VPS13B: variants seen among roughly 807,000 people sequenced by gnomAD.
VPS13B encodes vacuolar protein sorting 13 homolog B, also known as intermembrane lipid transfer protein VPS13B.
Under a neutral mutation model 426.4 loss-of-function variants are expected in VPS13B, and 285 were observed. The observed-to-expected ratio is 0.67, with a 90% CI of 0.61 to 0.74. The LOEUF (loss-of-function observed/expected upper bound fraction) is 0.74. Among genes scored for constraint, VPS13B ranks in the 30% least tolerant of loss-of-function variants. The pLI is 0.00. For synonymous variants in VPS13B, 1,676 were observed against 1,676.4 expected (o/e 1.00, Z 0.01); for missense variants, 4,537 against 4,782.6 (o/e 0.95, Z 1.51).
chr8:99,779,217 A>G (rs1811890369), intron 42 of VPS13B, among the ~76,000 whole-genome samples, 186 bp downstream of exon 42: 1 of 152,156 alleles, frequency 6.6e-6, no homozygotes, highest in Non-Finnish European at 1.5e-5. Context: ...TTTTTGAAAA[A>G]CTGGAGAATA....
chr8:99,485,356 T>C (rs1388656690), intron 25 of VPS13B, among the ~76,000 whole-genome samples: 2 of 152,188 alleles, frequency 1.3e-5, no homozygotes, highest in Non-Finnish European at 2.9e-5. Context: ...TAACACCTTA[T>C]TAATAAGGCA....
intron 19 of VPS13B, among the ~76,000 whole-genome samples, chr8:99,345,678 T>A (rs1228442309): frequency 6.6e-6 from 1 of 152,200 alleles, no homozygotes; most frequent in Non-Finnish European, 1.5e-5. Flanking sequence ...TTTCCCTACA[T>A]GAGCAAAAGG....
At chr8:99,082,998 GA>G (rs1845567788) in intron 3 of VPS13B, among the ~76,000 whole-genome samples, 1 of 152,172 alleles carries the variant, frequency 6.6e-6, no homozygotes, top group African/African-American at 2.4e-5. Flanking sequence ...ATTCTGTGAA[GA>G]AAGTCATCAG....
At chr8:99,805,266 T>A (rs1813340827) in intron 43 of VPS13B, among the ~76,000 whole-genome samples, 15 of 150,510 alleles carry the variant, frequency 1.0e-4, no homozygotes, top group Middle Eastern at 3.5e-3. Context: ...CACAAATGAG[T>A]GTGAAGATAA....
intron 7 of VPS13B, among the ~76,000 whole-genome samples, chr8:99,118,746 T>G (rs1263331526): frequency 6.6e-6 from 1 of 151,750 alleles, no homozygotes; most frequent in Non-Finnish European, 1.5e-5. Flanking sequence ...CTACATACAC[T>G]GTATGAATAT....
At chr8:99,445,118 G>C (rs971146752) in intron 23 of VPS13B, among the ~76,000 whole-genome samples, 2 of 151,560 alleles carry the variant, frequency 1.3e-5, no homozygotes, top group Admixed American at 1.3e-4. Flanking sequence ...CCTTACACAT[G>C]ATTTGCAAGT....
intron 29 of VPS13B, among the ~76,000 whole-genome samples, chr8:99,518,331 A>T (rs1822196937): frequency 6.6e-6 from 1 of 152,184 alleles, no homozygotes; most frequent in Non-Finnish European, 1.5e-5. Context: ...CCCACATGGA[A>T]CTATTTGATA....
chr8:99,842,295 A>G (rs184532296), intron 54 of VPS13B, among the ~76,000 whole-genome samples: 1 of 152,264 alleles, frequency 6.6e-6, no homozygotes, highest in African/African-American at 2.4e-5. Flanking sequence ...GTGTGATACT[A>G]TCTGCAACTT....
At chr8:99,612,863 C>T (rs1368848283) in intron 33 of VPS13B, among the ~76,000 whole-genome samples, 1 of 151,760 alleles carries the variant, frequency 6.6e-6, no homozygotes, top group Non-Finnish European at 1.5e-5. Flanking sequence ...CTACTCTGAC[C>T]CCCCTCCCTA....
At chr8:99,119,251 T>C (rs1847823134) in intron 7 of VPS13B, 1 of 152,238 alleles carries the variant, frequency 6.6e-6, no homozygotes, top group African/African-American at 2.4e-5. Context: ...GTATTTATTA[T>C]TTATTTATTG....
At chr8:99,422,052 A>G (rs1031950244) in intron 21 of VPS13B, among the ~76,000 whole-genome samples, 2 of 152,144 alleles carry the variant, frequency 1.3e-5, no homozygotes, top group Admixed American at 6.6e-5. Flanking sequence ...AGAGGTTTTG[A>G]TTAAATAAGA....
intron 2 of VPS13B, among the ~76,000 whole-genome samples, 171 bp downstream of exon 2, chr8:99,014,106 C>CTTTTTTTTTTTTTTTTTTT (rs1841466075): frequency 8.9e-6 from 1 of 112,096 alleles, no homozygotes; most frequent in Admixed American, 9.9e-5. Flanking sequence ...CTTTTTCTTT[C>CTTTTTTTTTTTTTTTTTTT]TTTCTTTTTT....
At chr8:99,526,758 AT>A (rs1029049158) in intron 30 of VPS13B, among the ~76,000 whole-genome samples, 2 of 152,212 alleles carry the variant, frequency 1.3e-5, no homozygotes, top group Non-Finnish European at 2.9e-5. Flanking sequence ...AATCAGCCAC[AT>A]ACAAGGCTTA....
At chr8:99,545,366 G>A (rs943913949) in intron 30 of VPS13B, among the ~76,000 whole-genome samples, 1 of 152,066 alleles carries the variant, frequency 6.6e-6, no homozygotes, top group African/African-American at 2.4e-5. Context: ...GGAAATTTCT[G>A]TATCTGCACT....
chr8:99,334,863 C>T (rs1374347798), intron 19 of VPS13B, among the ~76,000 whole-genome samples: 1 of 152,132 alleles, frequency 6.6e-6, no homozygotes, highest in Non-Finnish European at 1.5e-5. Context: ...CAGGATGACA[C>T]TGGCCTCATA....
intron 19 of VPS13B, among the ~76,000 whole-genome samples, chr8:99,345,444 C>A (rs902967217): frequency 6.6e-6 from 1 of 152,064 alleles, no homozygotes; most frequent in African/African-American, 2.4e-5. Context: ...CAACACCAAC[C>A]GTGGGCTATA....
intron 17 of VPS13B, among the ~76,000 whole-genome samples, chr8:99,271,437 C>T (rs1319482161): frequency 6.6e-6 from 1 of 152,118 alleles, no homozygotes; most frequent in Non-Finnish European, 1.5e-5. Flanking sequence ...AGAACTCCTT[C>T]TCAGAGGATA....
chr8:99,478,782 A>G (rs1819882967), intron 24 of VPS13B, among the ~76,000 whole-genome samples: 2 of 151,944 alleles, frequency 1.3e-5, no homozygotes, highest in Non-Finnish European at 2.9e-5. Flanking sequence ...CTTTTAAACG[A>G]AATTAAACTG....
chr8:99,217,385 G>A (rs867758633), intron 17 of VPS13B, among the ~76,000 whole-genome samples: 8 of 152,186 alleles, frequency 5.3e-5, no homozygotes, highest in Middle Eastern at 3.4e-3. Flanking sequence ...TCTTAATTCC[G>A]CTACCTGATA....
Sources: gnomAD v4.1 joint callset for allele counts (sites outside exome capture counted in the v4.1 genomes callset) on GRCh38, gnomAD v4.1.1 for gene constraint, MANE v1.5 for transcripts, NCBI Gene and HGNC (gene_info 2026-07-23, HGNC 2026-07-21) for gene names.